Variants in SYN3 observed in about 807,000 individuals in gnomAD.
SYN3 encodes synapsin III.
Under a neutral mutation model 65.8 loss-of-function variants are expected in SYN3, and 35 were observed. The observed-to-expected ratio is 0.53, with a 90% CI of 0.41 to 0.70. The LOEUF (loss-of-function observed/expected upper bound fraction) is 0.70, where lower values mean the gene tolerates loss of function less well. Among genes scored for constraint, SYN3 ranks in the 30% least tolerant of loss-of-function variants. The pLI is 0.00. For missense variants in SYN3, 680 were observed against 749.0 expected, an observed-to-expected ratio of 0.91 and a Z score of 1.08; for synonymous variants, 270 against 292.9, an observed-to-expected ratio of 0.92 and a Z score of 0.80.
chr22:32,556,803 G>GATTT (rs1491135400), intron 7 of SYN3, among the ~76,000 whole-genome samples: 1 of 35,262 alleles, frequency 2.8e-5, no homozygotes, highest in Non-Finnish European at 5.6e-5. Flanking sequence ...TAGGTTTCCT[G>GATTT]GTTTTTTTTT....
chr22:32,810,111 G>A (rs201339304), intron 6 of SYN3, among the ~76,000 whole-genome samples: 2 of 152,294 alleles, frequency 1.3e-5, no homozygotes, highest in Non-Finnish European at 2.9e-5. Flanking sequence ...CTAGCTAAAG[G>A]GACTTACTAA....
intron 7 of SYN3, among the ~76,000 whole-genome samples, chr22:32,568,086 G>C (rs1035626327): frequency 6.6e-5 from 10 of 152,174 alleles, no homozygotes. Flanking sequence ...GAATCTTCCT[G>C]GAGTTGACAG....
intron 6 of SYN3, among the ~76,000 whole-genome samples, chr22:32,729,083 C>T (rs1056635001): frequency 6.6e-6 from 1 of 152,276 alleles, no homozygotes; most frequent in African/African-American, 2.4e-5. Context: ...CTTTTTAGTT[C>T]TGAACTCTGT....
chr22:33,037,654 G>A (rs531236475), intron 1 of SYN3, among the ~76,000 whole-genome samples: 4 of 152,236 alleles, frequency 2.6e-5, no homozygotes, highest in Admixed American at 1.3e-4. Flanking sequence ...AGAAAGGTTC[G>A]GTAATTTGCC....
intron 3 of SYN3, among the ~76,000 whole-genome samples, chr22:32,962,757 C>T (rs1257437212): frequency 1.3e-5 from 2 of 152,052 alleles, no homozygotes; most frequent in Non-Finnish European, 2.9e-5. Context: ...TCACTGTAAG[C>T]AGAAAATTGG....
intron 6 of SYN3, among the ~76,000 whole-genome samples, chr22:32,657,378 C>T (rs2060157059): frequency 6.6e-6 from 1 of 151,810 alleles, no homozygotes; most frequent in South Asian, 2.1e-4. Context: ...CCTCCTCAGC[C>T]TCCCAAAGTG....
chr22:32,968,887 A>G (rs781393922), intron 3 of SYN3, among the ~76,000 whole-genome samples: 1 of 152,242 alleles, frequency 6.6e-6, no homozygotes, highest in Non-Finnish European at 1.5e-5. Context: ...CATTAGGACA[A>G]AGTACAGAGC....
chr22:33,033,388 C>A (rs541326709), intron 1 of SYN3, among the ~76,000 whole-genome samples: 1 of 152,198 alleles, frequency 6.6e-6, no homozygotes, highest in Non-Finnish European at 1.5e-5. Context: ...CTGGAATGTT[C>A]TTTCCTTGCT....
intron 6 of SYN3, among the ~76,000 whole-genome samples, chr22:32,659,150 A>C (rs1384734045): frequency 6.6e-6 from 1 of 152,218 alleles, no homozygotes; most frequent in African/African-American, 2.4e-5. Flanking sequence ...GTAAGGGCTA[A>C]GCAGGAAGGG....
intron 7 of SYN3, among the ~76,000 whole-genome samples, chr22:32,561,195 C>T (rs1346677422): frequency 1.3e-5 from 2 of 152,132 alleles, no homozygotes; most frequent in African/African-American, 4.8e-5. Flanking sequence ...ATGTCACCTG[C>T]GGCCAGCGTA....
intron 7 of SYN3, among the ~76,000 whole-genome samples, chr22:32,589,040 T>C (rs1053468062): frequency 2.0e-5 from 3 of 152,194 alleles, no homozygotes; most frequent in Non-Finnish European, 2.9e-5. Context: ...TTAAAATGGG[T>C]ATAAATATGA....
chr22:32,844,672 C>T (rs112879295), intron 6 of SYN3, among the ~76,000 whole-genome samples: 1 of 151,708 alleles, frequency 6.6e-6, no homozygotes, highest in African/African-American at 2.4e-5. Flanking sequence ...TGAAATACTG[C>T]TTATTCCTTA....
intron 4 of SYN3, among the ~76,000 whole-genome samples, chr22:32,915,169 G>A (rs1277481650): frequency 1.3e-5 from 2 of 152,294 alleles, no homozygotes; most frequent in Admixed American, 1.3e-4. Flanking sequence ...AATACCTAAT[G>A]TAGATGATGG....
At chr22:32,715,835 T>C (rs1365356237) in intron 6 of SYN3, among the ~76,000 whole-genome samples, 1 of 149,198 alleles carries the variant, frequency 6.7e-6, no homozygotes, top group Non-Finnish European at 1.5e-5. Flanking sequence ...AGGAGCAGTG[T>C]GCAAGGAAAG....
chr22:32,986,371 TTGA>T (rs1025394551), intron 2 of SYN3, among the ~76,000 whole-genome samples: 1 of 152,294 alleles, frequency 6.6e-6, no homozygotes, highest in Admixed American at 6.5e-5. Context: ...AGCTGTGGTC[TTGA>T]TGAGACCTCA....
chr22:32,851,576 G>A lies in SYN3; in HGVS notation c.711+13339C>T, dbSNP rs78954299. Among the ~76,000 whole-genome samples the A allele has an allele frequency of 7.1e-3, 1,078 of 152,272 alleles. 6 individuals carry two copies. Among genetic ancestry groups the A allele is most frequent in the African/African-American group, 0.014 (563 of 41,552 alleles). The stretch of plus-strand genomic sequence containing the variant: ...TTCACCATCCTTCGCCTGAGCTCAT[G>A]AATCATGGTGCTGGGAATTAGATGT... On this transcript the variant is annotated intron_variant, in intron 6 of 13. Coordinates refer to ENST00000358763, the MANE Select transcript of SYN3 (RefSeq NM_003490.4).
At chr22:32,569,232 T>TCTA (rs1555898433) in intron 7 of SYN3, among the ~76,000 whole-genome samples, 12 of 149,130 alleles carry the variant, frequency 8.0e-5, no homozygotes, top group Non-Finnish European at 1.3e-4. Context: ...AATTCTTTCT[T>TCTA]TCTATCTATC....
intron 6 of SYN3, among the ~76,000 whole-genome samples, chr22:32,833,458 G>A (rs1250797781): frequency 3.3e-5 from 5 of 152,216 alleles, no homozygotes; most frequent in African/African-American, 1.2e-4. Flanking sequence ...CATGGAACAG[G>A]CTGACCTAGG....
rs1200268557 is a variant in SYN3 at position 32,769,488 on chromosome 22, T to C, written c.711+95427A>G. On this transcript the variant is annotated intron_variant, in intron 6 of 13. Transcript: ENST00000358763. ...AGTTGAACTCAGTCAACTTTGCCGG[T>C]GGCTCCTTATCTCCCTGACTTCTGT... Among the ~76,000 whole-genome samples, 3 of 150,790 alleles carry C rather than the reference T, an allele frequency of 2.0e-5. No individual in the cohort carries two copies. In the East Asian group the frequency reaches 5.9e-4, roughly 29 times the overall value.
Sources: allele counts gnomAD v4.1 joint callset (sites outside exome capture counted in the v4.1 genomes callset), GRCh38; gene constraint gnomAD v4.1.1; transcripts MANE v1.5; gene names NCBI Gene and HGNC (gene_info 2026-07-23, HGNC 2026-07-21).